Variants in CACNA1C observed in about 807,000 individuals in gnomAD.
CACNA1C encodes voltage-dependent L-type calcium channel subunit alpha-1C.
A neutral mutation model predicts 229.0 loss-of-function variants in CACNA1C; 30 were observed. The observed-to-expected ratio is 0.13, with a 90% confidence interval of 0.10 to 0.18. CACNA1C has a LOEUF of 0.18. Ranked by LOEUF, CACNA1C falls within the 10% of genes least tolerant of loss-of-function variation. The pLI is 1.00. For missense variants in CACNA1C, 1,658 were observed against 2,845.0 expected, an observed-to-expected ratio of 0.58 and a Z score of 9.49; for synonymous variants, 1,114 against 1,132.5, an observed-to-expected ratio of 0.98 and a Z score of 0.33.
At chr12:2,150,184 G>A (rs148282586) in intron 3 of CACNA1C, among the ~76,000 whole-genome samples, 1 of 152,304 alleles carries the variant, frequency 6.6e-6, no homozygotes, top group East Asian at 1.9e-4. Context: ...TCCAGTTTTG[G>A]CTGGCCTGGA....
Position 2,053,102 on chromosome 12 carries a change from G to T in CACNA1C, c.-461G>T, listed in dbSNP as rs2052780513. 2 of 984,692 alleles carry T rather than the reference G, an allele frequency of 2.0e-6. No individual in the cohort carries two copies. Among genetic ancestry groups the T allele is most frequent in the Middle Eastern group, 5.2e-4 (1 of 1,910 alleles). 61.0% of individuals were successfully genotyped at this position (984,692 alleles called of 1,614,324 possible). A position where few individuals can be genotyped will look rare whatever the true frequency, so the allele number is the denominator to read the frequency against. ...CCTGCCTCCGCGCCCAGGAGTTGCC[G>T]GCTCCCTTTGACAGCAGAGAGCCGG... On this transcript the variant is annotated 5_prime_UTR_variant, in exon 1 of 47. Coordinates refer to ENST00000399655, the MANE Select transcript of CACNA1C (RefSeq NM_000719.7). The surrounding 1 kb of genome is among the most constrained non-coding windows in gnomAD (Gnocchi z 5.8).
intron 3 of CACNA1C, among the ~76,000 whole-genome samples, chr12:2,179,937 T>A (rs2096782553): frequency 6.6e-6 from 1 of 152,192 alleles, no homozygotes; most frequent in South Asian, 2.1e-4. Flanking sequence ...TTTGATCATT[T>A]CTCTTCATCT....
chr12:2,345,020 A>G (rs533256145), intron 3 of CACNA1C, among the ~76,000 whole-genome samples: 1 of 149,002 alleles, frequency 6.7e-6, no homozygotes, highest in African/African-American at 2.5e-5. Context: ...TTGGCCTTGA[A>G]ATGAAGCTGG....
chr12:2,015,596 C>T (rs1267949344), intron 1 of CACNA1C, among the ~76,000 whole-genome samples: 1 of 152,240 alleles, frequency 6.6e-6, no homozygotes, highest in African/African-American at 2.4e-5. Context: ...CGAAAGTTCT[C>T]AACCCTGGCC....
intron 3 of CACNA1C, among the ~76,000 whole-genome samples, chr12:2,415,126 G>A (rs1200581120): frequency 6.6e-6 from 1 of 152,248 alleles, no homozygotes; most frequent in Non-Finnish European, 1.5e-5. Flanking sequence ...TCAGGGTGGC[G>A]AGGGGGCTCA....
intron 5 of CACNA1C, among the ~76,000 whole-genome samples, chr12:2,481,946 C>T (rs1267988582): frequency 6.6e-5 from 10 of 152,254 alleles, no homozygotes; most frequent in African/African-American, 1.2e-4. Flanking sequence ...CGCTTATCAG[C>T]GGTGAGCATG....
rs1363342504 is a variant in CACNA1C, at chr12:2,630,080, T to A, written c.3829-4217T>A. On this transcript the variant is annotated intron_variant, in intron 29 of 46. Coordinates refer to ENST00000399655, the MANE Select transcript of CACNA1C (RefSeq NM_000719.7). This position sits in a 1 kb window ranked among gnomAD's most constrained non-coding sequence, Gnocchi z 5.4. ...GCTTTCCCTTCTGGGCAGCCCGCCC[T>A]GCGTGGCTCTGAGGAGCTGGACAGT... Among the ~76,000 whole-genome samples the A allele has an allele frequency of 6.6e-6, 1 of 152,204 alleles. No homozygotes were observed. Among genetic ancestry groups the A allele is most frequent in the East Asian group, 1.9e-4 (1 of 5,188 alleles).
intron 3 of CACNA1C, among the ~76,000 whole-genome samples, chr12:2,440,046 C>T (rs2099204670): frequency 6.6e-6 from 1 of 152,218 alleles, no homozygotes; most frequent in African/African-American, 2.4e-5. Flanking sequence ...CCCTGCGCAT[C>T]TGTCCGCTGG....
chr12:2,665,073 T>C lies in CACNA1C; in HGVS notation c.4398+83T>C. On this transcript the variant is annotated intron_variant, in intron 35 of 46. Coordinates refer to ENST00000399655, the MANE Select transcript of CACNA1C (RefSeq NM_000719.7). The surrounding 1 kb of genome is among the most constrained non-coding windows in gnomAD (Gnocchi z 5.9). ...CTGAACCGTCCATCTCTGCAGCTCA[T>C]GGTCAGGGCAACCCTATCAGAGGAG... is the stretch of plus-strand genomic sequence containing the variant. The C allele has an allele frequency of 7.0e-7, 1 of 1,438,816 alleles. No individual in the cohort carries two copies. Among genetic ancestry groups the C allele is most frequent in the Non-Finnish European group, 9.7e-7 (1 of 1,029,582 alleles). The allele number at this position is 1,438,816 out of a possible 1,614,324, so 89.1% of individuals were successfully genotyped here. A position where few individuals can be genotyped will look rare whatever the true frequency, so the allele number is the denominator to read the frequency against.
chr12:2,542,008 A>G (rs575056776), intron 9 of CACNA1C, among the ~76,000 whole-genome samples: 11 of 152,278 alleles, frequency 7.2e-5, no homozygotes, highest in South Asian at 4.1e-4. Flanking sequence ...TCCTCCTGCC[A>G]GTCTCAGGAT....
chr12:2,375,757 T>G (rs529228328), intron 3 of CACNA1C, among the ~76,000 whole-genome samples: 1 of 152,330 alleles, frequency 6.6e-6, no homozygotes, highest in Non-Finnish European at 1.5e-5. Context: ...AGTGCCTAAC[T>G]TGACAATTCT....
At chr12:2,553,400 A>G (rs1042384689) in intron 10 of CACNA1C, among the ~76,000 whole-genome samples, 3 of 152,208 alleles carry the variant, frequency 2.0e-5, no homozygotes, top group Middle Eastern at 3.2e-3. Flanking sequence ...GCTCTGATGA[A>G]GGGGTCAGTG....
chr12:2,108,614 G>GA lies in CACNA1C; in HGVS notation c.50-6608dup, dbSNP rs1423924103. Among the ~76,000 whole-genome samples the GA allele has an allele frequency of 6.6e-6, 1 of 152,212 alleles. No homozygotes were observed. The highest frequency in any genetic ancestry group is 1.5e-5 in the Non-Finnish European group (1 of 68,038). ...AGCGGGGCACCGTAGGAGGAGGGTGGAAGAGCTGCTGAGACCGCAAGTTTA... is the reference window on the plus strand; with the variant it reads ...AGCGGGGCACCGTAGGAGGAGGGTGGAAAGAGCTGCTGAGACCGCAAGTTTA... On this transcript the variant is annotated intron_variant, in intron 1 of 46. Transcript: ENST00000399655. The surrounding 1 kb of genome is among the most constrained non-coding windows in gnomAD (Gnocchi z 5.3).
intron 3 of CACNA1C, among the ~76,000 whole-genome samples, chr12:2,279,366 T>C (rs559166600): frequency 7.9e-4 from 121 of 152,342 alleles, no homozygotes; most frequent in African/African-American, 2.8e-3. Flanking sequence ...TAGTTACCCC[T>C]TCATCTTTGT....
At chr12:2,422,610 C>A (rs898617864) in intron 3 of CACNA1C, among the ~76,000 whole-genome samples, 1 of 152,202 alleles carries the variant, frequency 6.6e-6, no homozygotes, top group Non-Finnish European at 1.5e-5. Context: ...GTGTCCCCCA[C>A]AAAATTATTA....
intron 3 of CACNA1C, among the ~76,000 whole-genome samples, chr12:2,344,593 T>C (rs2096956023): frequency 1.3e-5 from 2 of 152,128 alleles, no homozygotes; most frequent in Admixed American, 6.5e-5. Flanking sequence ...CCTCCCTCAA[T>C]AGTGTCTTGA....
intron 15 of CACNA1C, 52 bp from the exon 16 acceptor site, chr12:2,584,451 C>T: frequency 7.3e-7 from 1 of 1,369,136 alleles, no homozygotes. Context: ...GCCCCTGTGC[C>T]CACCAAAACC....
chr12:2,664,993 A>G lies in CACNA1C; in HGVS notation c.4398+3A>G, dbSNP rs772943884. 6.2e-7 allele frequency: 1 copy of G among 1,614,000 alleles called. No individual in the cohort carries two copies. ...TCTACATGCTCTGTGCCTTCCTGGT[A>G]AGCCAAGGGGGAACTCAACAGCCAG... On this transcript the variant is annotated splice_donor_region_variant and intron_variant, in intron 35 of 46. Transcript: ENST00000399655.
chr12:2,682,469 CGT>C lies in CACNA1C; in HGVS notation c.5445-75_5445-74del, dbSNP rs1041590722. On this transcript the variant is annotated intron_variant, in intron 42 of 46. Transcript: ENST00000399655. ...ACGTGTGTACACCTGCATGTGTGTG[CGT>C]GTGTGATGCTTTACTTGCTGAAGGA... The C allele has an allele frequency of 1.1e-4, 161 of 1,513,706 alleles. No homozygotes were observed. In the African/African-American group the frequency reaches 1.9e-3, roughly 18 times the overall value. 93.8% of individuals were successfully genotyped at this position (1,513,706 alleles called of 1,614,324 possible).
Sources: gnomAD v4.1 joint callset for allele counts (sites outside exome capture counted in the v4.1 genomes callset) on GRCh38, gnomAD v4.1.1 for gene constraint, Gnocchi (gnomAD v3.1) non-coding constraint, MANE v1.5 for transcripts, NCBI Gene and HGNC (gene_info 2026-07-23, HGNC 2026-07-21) for gene names.